NCAM1: variants seen among roughly 807,000 people sequenced by gnomAD.
The protein encoded by NCAM1 is antigen recognized by monoclonal antibody 5.1H11.
In NCAM1, 14 loss-of-function variants were observed where a neutral mutation model predicts 109.8. The observed-to-expected ratio is 0.13, with a 90% CI of 0.08 to 0.20. The LOEUF is 0.20. NCAM1 is among the 10% of genes least tolerant of loss of function. NCAM1 has a pLI of 1.00. For missense variants in NCAM1, 774 were observed against 1,109.9 expected, an observed-to-expected ratio of 0.70 and a Z score of 4.30; for synonymous variants, 418 against 442.9, an observed-to-expected ratio of 0.94 and a Z score of 0.70.
At chr11:112,980,958 C>T (rs895514236) in intron 1 of NCAM1, among the ~76,000 whole-genome samples, 4 of 151,820 alleles carry the variant, frequency 2.6e-5, no homozygotes, top group African/African-American at 7.2e-5. Flanking sequence ...CTGTTTCTGC[C>T]GGTCTTCTAG....
At chr11:113,219,357 G>A (rs2137069851) in intron 8 of NCAM1, among the ~76,000 whole-genome samples, 1 of 152,332 alleles carries the variant, frequency 6.6e-6, no homozygotes, top group Middle Eastern at 3.4e-3. Flanking sequence ...AATCAGTCTG[G>A]TTTATCCAGC....
intron 14 of NCAM1, among the ~76,000 whole-genome samples, chr11:113,244,854 A>T (rs1177422663): frequency 6.6e-6 from 1 of 152,190 alleles, no homozygotes; most frequent in Non-Finnish European, 1.5e-5. Context: ...TCACGGTGGC[A>T]AGGGAAGAGG....
chr11:113,068,670 A>G (rs1938100904), intron 1 of NCAM1, among the ~76,000 whole-genome samples: 1 of 152,204 alleles, frequency 6.6e-6, no homozygotes, highest in Non-Finnish European at 1.5e-5. Context: ...TCAGTCTTAC[A>G]GAACATATTG....
intron 9 of NCAM1, chr11:113,231,375 C>G (rs970922224): frequency 2.2e-6 from 3 of 1,335,550 alleles, no homozygotes; most frequent in Non-Finnish European, 3.1e-6. Flanking sequence ...TAGCCCCAAA[C>G]CAATCTTGGT....
chr11:113,227,600 G>A (rs1235370146), intron 9 of NCAM1, among the ~76,000 whole-genome samples: 1 of 152,190 alleles, frequency 6.6e-6, no homozygotes, highest in Non-Finnish European at 1.5e-5. Context: ...GCATCATCCT[G>A]ATACCAAAGC....
intron 1 of NCAM1, among the ~76,000 whole-genome samples, chr11:113,082,894 G>A (rs567474515): frequency 3.9e-5 from 6 of 152,284 alleles, no homozygotes; most frequent in Admixed American, 1.3e-4. Context: ...AATTATGCAC[G>A]TCTATAGTAC....
At chr11:113,198,547 A>C (rs1217723025) in intron 1 of NCAM1, among the ~76,000 whole-genome samples, 1 of 151,812 alleles carries the variant, frequency 6.6e-6, no homozygotes, top group African/African-American at 2.4e-5. Flanking sequence ...AATTTTTTGT[A>C]CTTTTAGTAG....
intron 1 of NCAM1, among the ~76,000 whole-genome samples, chr11:113,116,546 G>T (rs1334639582): frequency 1.3e-5 from 2 of 152,190 alleles, no homozygotes; most frequent in African/African-American, 4.8e-5. Flanking sequence ...CAAACAACTG[G>T]AATCATTTTA....
In NCAM1 at chr11:113,091,200, A is replaced by G. The variant is rs528752368; in HGVS notation, c.53-111179A>G. 1.1e-4 allele frequency among the ~76,000 whole-genome samples: 17 copies of G among 152,226 alleles called. No homozygotes were observed. In the South Asian group the frequency reaches 3.3e-3, roughly 30 times the overall value. The stretch of plus-strand genomic sequence containing the variant: ...AAGCCAACTGCTTCTCAAAAAGGTT[A>G]AGTAACTTGCCCTAGATCAAGCATC... On this transcript the variant is annotated intron_variant, in intron 1 of 19. Coordinates refer to ENST00000316851, the MANE Select transcript of NCAM1 (RefSeq NM_181351.5).
rs116213072 is a variant in NCAM1 at position 113,266,827 on chromosome 11, G to A, written c.2132-3361G>A. 3.0e-3 allele frequency among the ~76,000 whole-genome samples: 463 copies of A among 152,292 alleles called. 1 individual carries two copies. The highest frequency in any genetic ancestry group is 0.01 in the Middle Eastern group (3 of 294). Reference sequence around the variant, plus strand: ...AAAGTCTTTCTCAGTCCACACTCTGGAGACTGGCATTAGGGAACCTGTACC... The same window carrying A: ...AAAGTCTTTCTCAGTCCACACTCTGAAGACTGGCATTAGGGAACCTGTACC... On this transcript the variant is annotated intron_variant, in intron 17 of 19. Coordinates refer to ENST00000316851, the MANE Select transcript of NCAM1 (RefSeq NM_181351.5).
At chr11:113,028,096 A>G (rs1444199381) in intron 1 of NCAM1, among the ~76,000 whole-genome samples, 3 of 152,298 alleles carry the variant, frequency 2.0e-5, no homozygotes, top group East Asian at 3.9e-4. Flanking sequence ...TATAGGAAGA[A>G]TAGTTTTGGG....
chr11:112,988,751 AT>A (rs140491695), intron 1 of NCAM1, among the ~76,000 whole-genome samples: 88 of 137,854 alleles, frequency 6.4e-4, no homozygotes, highest in African/African-American at 1.9e-3. Context: ...TTTCAACAGT[AT>A]TTTTTTTTTT....
chr11:113,009,260 G>A (rs1951969877), intron 1 of NCAM1, among the ~76,000 whole-genome samples: 1 of 149,096 alleles, frequency 6.7e-6, no homozygotes, highest in Admixed American at 6.7e-5. Context: ...CTTGAAATCT[G>A]TGGTGGCAGG....
rs77639187 is a variant in NCAM1, at chr11:113,135,606, G to A, written c.53-66773G>A. On this transcript the variant is annotated intron_variant, in intron 1 of 19. Transcript: ENST00000316851. ...AGTGTTAGTGGCAGTTTAAGCCTTCGAGAGCTGTTTGGGAGCTATTTTGCT... is the reference window on the plus strand; with the variant it reads ...AGTGTTAGTGGCAGTTTAAGCCTTCAAGAGCTGTTTGGGAGCTATTTTGCT... Among the ~76,000 whole-genome samples the A allele has an allele frequency of 2.7e-3, 407 of 152,270 alleles. 3 individuals carry two copies. The highest frequency in any genetic ancestry group is 5.1e-3 in the Non-Finnish European group (347 of 68,022).
intron 1 of NCAM1, among the ~76,000 whole-genome samples, chr11:113,058,610 A>G (rs184985624): frequency 1.2e-3 from 183 of 152,298 alleles, no homozygotes; most frequent in African/African-American, 4.0e-3. Context: ...ACTTTCTTCA[A>G]TTTAGAGTTC....
At chr11:113,193,457 T>C (rs1405508380) in intron 1 of NCAM1, among the ~76,000 whole-genome samples, 1 of 151,986 alleles carries the variant, frequency 6.6e-6, no homozygotes, top group Non-Finnish European at 1.5e-5. Context: ...ACCAGCCTGG[T>C]GAACATGGTG....
chr11:113,095,225 CTG>C (rs1395769881), intron 1 of NCAM1, among the ~76,000 whole-genome samples: 4 of 152,226 alleles, frequency 2.6e-5, no homozygotes, highest in African/African-American at 9.6e-5. Flanking sequence ...GGGATTTGTG[CTG>C]TGTCTTTAAT....
intron 1 of NCAM1, among the ~76,000 whole-genome samples, chr11:113,032,638 C>T (rs1459846365): frequency 6.6e-6 from 1 of 152,200 alleles, no homozygotes; most frequent in African/African-American, 2.4e-5. Context: ...TTTCTTCCTT[C>T]CAGGAGCACA....
At chr11:112,980,985 A>T (rs1337995112) in intron 1 of NCAM1, among the ~76,000 whole-genome samples, 1 of 151,822 alleles carries the variant, frequency 6.6e-6, no homozygotes, top group East Asian at 1.9e-4. Context: ...GGAAATATTT[A>T]TGTCTTCCAT....
Sources: allele counts gnomAD v4.1 joint callset (sites outside exome capture counted in the v4.1 genomes callset), GRCh38; gene constraint gnomAD v4.1.1; transcripts MANE v1.5; gene names NCBI Gene and HGNC (gene_info 2026-07-23, HGNC 2026-07-21).